The following GREB1 variants were observed in gnomAD, a reference collection of about 807,000 sequenced individuals.
GREB1 encodes the protein protein GREB1.
In GREB1, 106 loss-of-function variants were observed where a neutral mutation model predicts 200.7. That is an observed-to-expected ratio of 0.53 (90% CI 0.45 to 0.62). The LOEUF (loss-of-function observed/expected upper bound fraction) is 0.62. Among genes scored for constraint, GREB1 ranks in the 20% least tolerant of loss-of-function variants. The pLI is 0.00. For synonymous variants in GREB1, 1,132 were observed against 1,092.4 expected (o/e 1.04, Z -0.72); for missense variants, 2,243 against 2,556.8 (o/e 0.88, Z 2.65).
chr2:11,585,871 G>A lies in GREB1; in HGVS notation c.1125G>A (p.Leu375=), dbSNP rs770258143. 1.0e-4 allele frequency: 165 copies of A among 1,613,876 alleles called. No homozygotes were observed. Among genetic ancestry groups the A allele is most frequent in the Admixed American group, 6.2e-4 (37 of 60,010 alleles). Reference sequence around the variant, plus strand: ...CAGTGTCTGTTCCTGACAACTTGCTGAAAATATGCAAGGCCAAGCCAGTGA... The same window carrying A: ...CAGTGTCTGTTCCTGACAACTTGCTAAAAATATGCAAGGCCAAGCCAGTGA... ...GEPVSVPDNL[L]KICKAKPVIF... The change falls in exon 9 of 33, where the codon CTG becomes CTA. Residue 375 remains leucine (L), a synonymous_variant. Transcript: ENST00000381486.
intron 1 of GREB1, chr2:11,539,953 G>C (rs1186663420): frequency 6.6e-6 from 1 of 152,296 alleles, no homozygotes; most frequent in Non-Finnish European, 1.5e-5. Context: ...TGCACAGCAG[G>C]GCATTACGCG....
intron 1 of GREB1, among the ~76,000 whole-genome samples, chr2:11,541,349 C>T (rs757967166): frequency 2.0e-5 from 3 of 152,146 alleles, no homozygotes; most frequent in Admixed American, 6.5e-5. Context: ...TCCTTCTCTG[C>T]CATGGATCCT....
chr2:11,594,566 G>T (rs1681034954), intron 11 of GREB1, among the ~76,000 whole-genome samples: 1 of 151,882 alleles, frequency 6.6e-6, no homozygotes, highest in African/African-American at 2.4e-5. Context: ...TGTTGGCCAG[G>T]CTGGTCTCAA....
Position 11,640,444 on chromosome 2 carries a change from G to T in GREB1, c.5840G>T (p.Arg1947Leu). ...EDRPLFFLTG[R>L]HI ...CGGCCGCTCTTTTTTCTGACGGGAC[G>T]ACACATCTGAGGAAGACAGCGGCGA... Residue 1947 changes from arginine (R) to leucine (L), a missense_variant, in exon 33 of 33, where the codon CGA (arginine) becomes CTA (leucine). Arg to Leu is a moderately radical substitution (Grantham distance 102). Transcript: ENST00000381486. The surrounding 1 kb of genome is among the most constrained non-coding windows in gnomAD (Gnocchi z 4.6). The T allele has an allele frequency of 6.2e-7, 1 of 1,614,100 alleles. No homozygotes were observed. Among genetic ancestry groups the T allele is most frequent in the South Asian group, 1.1e-5 (1 of 91,066 alleles).
intron 1 of GREB1, among the ~76,000 whole-genome samples, chr2:11,508,459 G>A (rs1673244811): frequency 6.6e-6 from 1 of 152,158 alleles, no homozygotes. Flanking sequence ...ACACGCTTTG[G>A]CAGCCTCAGG....
intron 1 of GREB1, among the ~76,000 whole-genome samples, chr2:11,499,433 C>T (rs1672971425): frequency 6.6e-6 from 1 of 152,228 alleles, no homozygotes; most frequent in South Asian, 2.1e-4. Context: ...GTTATCTGGC[C>T]ATGTCCTTTG....
At chr2:11,552,948 T>C (rs1676057541) in intron 1 of GREB1, among the ~76,000 whole-genome samples, 1 of 143,018 alleles carries the variant, frequency 7.0e-6, no homozygotes, top group Admixed American at 7.1e-5. Flanking sequence ...AGGCGGAGCT[T>C]GCAGTGAGTC....
intron 21 of GREB1, among the ~76,000 whole-genome samples, chr2:11,617,511 A>G (rs1683520857): frequency 6.6e-6 from 1 of 152,226 alleles, no homozygotes; most frequent in South Asian, 2.1e-4. Flanking sequence ...TTCACTTCAC[A>G]TATGAAGAAG....
intron 1 of GREB1, among the ~76,000 whole-genome samples, chr2:11,516,846 A>C (rs938855011): frequency 4.6e-5 from 7 of 152,190 alleles, no homozygotes; most frequent in Non-Finnish European, 1.0e-4. Flanking sequence ...CATTCTACCT[A>C]GTGGAGGAAG....
intron 1 of GREB1, among the ~76,000 whole-genome samples, chr2:11,484,541 G>C (rs1376639520): frequency 6.9e-6 from 1 of 144,644 alleles, no homozygotes; most frequent in African/African-American, 2.6e-5. Flanking sequence ...TTGAGGCCAA[G>C]AGTTCGAGAC....
intron 1 of GREB1, among the ~76,000 whole-genome samples, chr2:11,522,238 T>C (rs1419186069): frequency 6.6e-6 from 1 of 152,146 alleles, no homozygotes; most frequent in African/African-American, 2.4e-5. Context: ...ATTAAACCCA[T>C]TTATGCCTAG....
Position 11,618,276 on chromosome 2 carries a change from G to A in GREB1, c.3413-12G>A, listed in dbSNP as rs536301081. The A allele has an allele frequency of 5.3e-6, 8 of 1,510,626 alleles. No individual in the cohort carries two copies. The Admixed American group carries it at 1.3e-4, about 24-fold the overall frequency. The allele number at this position is 1,510,626 out of a possible 1,614,324, so 93.6% of individuals were successfully genotyped here. ...TTCTAGGACGTCCCTGACCATGTTCGTCTCTCCTCAGGTTCAGCGCTCGGT... is the reference window on the plus strand; with the variant it reads ...TTCTAGGACGTCCCTGACCATGTTCATCTCTCCTCAGGTTCAGCGCTCGGT... On this transcript the variant is annotated splice_polypyrimidine_tract_variant and intron_variant, in intron 21 of 32. Transcript: ENST00000381486.
intron 9 of GREB1, chr2:11,587,584 C>T (rs1206528810): frequency 1.1e-5 from 16 of 1,490,226 alleles, no homozygotes; most frequent in Non-Finnish European, 1.3e-5. Flanking sequence ...GACCTGTGCC[C>T]CAGGCACCAG....
chr2:11,526,443 TTTAG>T (rs201106349), intron 1 of GREB1, among the ~76,000 whole-genome samples: 1,925 of 152,328 alleles, frequency 0.013, 45 homozygotes, highest in African/African-American at 0.044. Context: ...AAACAAGAAT[TTTAG>T]TGAAGATTAA....
intron 1 of GREB1, among the ~76,000 whole-genome samples, chr2:11,553,523 G>C (rs988644345): frequency 6.6e-6 from 1 of 151,790 alleles, no homozygotes; most frequent in African/African-American, 2.4e-5. Context: ...TTTCTATGCT[G>C]TCTTGTTTTT....
chr2:11,537,082 C>T (rs1674326618), intron 1 of GREB1, among the ~76,000 whole-genome samples: 1 of 152,154 alleles, frequency 6.6e-6, no homozygotes, highest in South Asian at 2.1e-4. Flanking sequence ...CCTGCCTCAT[C>T]CTCCCAAGTA....
intron 18 of GREB1, among the ~76,000 whole-genome samples, chr2:11,611,367 C>T (rs1013460986): frequency 9.9e-5 from 15 of 152,184 alleles, no homozygotes; most frequent in Non-Finnish European, 1.9e-4. Context: ...GGCTGGAGTG[C>T]GGTGGCGTGA....
Position 11,640,253 on chromosome 2 carries a change from C to A in GREB1, c.5687-38C>A. The A allele has an allele frequency of 6.3e-7, 1 of 1,585,922 alleles. No homozygotes were observed. The highest frequency in any genetic ancestry group is 8.6e-7 in the Non-Finnish European group (1 of 1,165,268). On this transcript the variant is annotated intron_variant, in intron 32 of 32. Transcript: ENST00000381486. The surrounding 1 kb of genome is among the most constrained non-coding windows in gnomAD (Gnocchi z 4.6). ...AGCCGCTTTCCTCTGGATAAACTCA[C>A]CTTTTCCCTTCCCACACCTCTGCCG...
intron 1 of GREB1, among the ~76,000 whole-genome samples, chr2:11,489,136 C>A (rs1187649611): frequency 6.6e-6 from 1 of 152,056 alleles, no homozygotes; most frequent in Non-Finnish European, 1.5e-5. Flanking sequence ...CTGGTAGGAA[C>A]AATTAGAGAA....
Sources: allele counts gnomAD v4.1 joint callset (sites outside exome capture counted in the v4.1 genomes callset), GRCh38; gene constraint gnomAD v4.1.1; non-coding constraint Gnocchi (gnomAD v3.1); transcripts MANE v1.5; gene names NCBI Gene and HGNC (gene_info 2026-07-23, HGNC 2026-07-21).